Variants in SPOCK1 observed in about 807,000 individuals in gnomAD.
The protein encoded by SPOCK1 is testican-1.
Under a neutral mutation model 55.3 loss-of-function variants are expected in SPOCK1, and 23 were observed. That is an observed-to-expected ratio of 0.42 (90% confidence interval 0.30 to 0.59). SPOCK1 has a LOEUF of 0.59. Among genes scored for constraint, SPOCK1 ranks in the 20% least tolerant of loss-of-function variants. SPOCK1 has a pLI of 0.22. For synonymous variants in SPOCK1, 226 were observed against 221.0 expected (o/e 1.02, Z -0.20); for missense variants, 499 against 552.5 (o/e 0.90, Z 0.97).
chr5:137,164,488 C>T (rs1561633160), intron 3 of SPOCK1, among the ~76,000 whole-genome samples: 1 of 152,190 alleles, frequency 6.6e-6, no homozygotes, highest in Non-Finnish European at 1.5e-5. Flanking sequence ...CTAAGATGTG[C>T]TGGCTTCAGG....
Position 136,978,408 on chromosome 5 carries a change from G to A in SPOCK1, c.*246C>T. ...CAGAAAGGAAGGAGGCTCTAATTAA[G>A]CCAATGACTTCCCTATCCAAAAAAT... On this transcript the variant is annotated 3_prime_UTR_variant, in exon 11 of 11. Transcript: ENST00000394945. 1 of 402,034 alleles carries A rather than the reference G, an allele frequency of 2.5e-6. No homozygotes were observed. The highest frequency in any genetic ancestry group is 2.1e-5 in the African/African-American group (1 of 48,136). The allele number at this position is 402,034 out of a possible 1,614,324, so 24.9% of individuals were successfully genotyped here.
At chr5:137,173,070 TA>T (rs768827477) in intron 3 of SPOCK1, among the ~76,000 whole-genome samples, 5 of 152,148 alleles carry the variant, frequency 3.3e-5, no homozygotes, top group Non-Finnish European at 7.4e-5. Context: ...TGTATGGTGT[TA>T]GTGGGAATGC....
At chr5:137,117,957 A>G (rs1016805257) in intron 4 of SPOCK1, among the ~76,000 whole-genome samples, 1 of 152,210 alleles carries the variant, frequency 6.6e-6, no homozygotes, top group African/African-American at 2.4e-5. Context: ...TATATTTATC[A>G]CAATATTTTA....
In SPOCK1 at chr5:137,382,874, T is replaced by C. The variant is rs534226979; in HGVS notation, c.186+115499A>G. ...CACCTTAAAAAGAAAGCCTGTGATG[T>C]GACAAGTTCTCAGAAATTTGATTAG... On this transcript the variant is annotated intron_variant, in intron 2 of 10. Coordinates refer to ENST00000394945, the MANE Select transcript of SPOCK1 (RefSeq NM_004598.4). Among the ~76,000 whole-genome samples, 32 of 152,332 alleles carry C rather than the reference T, an allele frequency of 2.1e-4. No individual in the cohort carries two copies. In the South Asian group the frequency reaches 6.4e-3, roughly 31 times the overall value.
At chr5:137,001,048 G>A (rs1042714072) in intron 6 of SPOCK1, among the ~76,000 whole-genome samples, 2 of 152,138 alleles carry the variant, frequency 1.3e-5, no homozygotes, top group Non-Finnish European at 2.9e-5. Flanking sequence ...AGGCTCTGGA[G>A]TCAGGGCTGA....
At chr5:137,257,766 C>A (rs1413428799) in intron 3 of SPOCK1, among the ~76,000 whole-genome samples, 1 of 152,192 alleles carries the variant, frequency 6.6e-6, no homozygotes, top group Non-Finnish European at 1.5e-5. Context: ...TTCTAGGATC[C>A]TTTTCCTGAC....
intron 3 of SPOCK1, among the ~76,000 whole-genome samples, chr5:137,222,738 T>C (rs1368040751): frequency 6.6e-6 from 1 of 152,234 alleles, no homozygotes; most frequent in African/African-American, 2.4e-5. Flanking sequence ...CACAAATTAA[T>C]TGAGCACCTA....
chr5:137,186,182 C>T lies in SPOCK1; in HGVS notation c.233-45488G>A, dbSNP rs147695591. ...CATATCCCCCTTCAGATATTTTCCT[C>T]TCTCATTGTCCTTTCACAGCCAACC... On this transcript the variant is annotated intron_variant, in intron 3 of 10. Coordinates refer to ENST00000394945, the MANE Select transcript of SPOCK1 (RefSeq NM_004598.4). 5.5e-3 allele frequency among the ~76,000 whole-genome samples: 836 copies of T among 152,318 alleles called. 13 individuals are homozygous for T. The highest frequency in any genetic ancestry group is 0.019 in the African/African-American group (801 of 41,572).
intron 4 of SPOCK1, among the ~76,000 whole-genome samples, chr5:137,131,331 C>T (rs1753871162): frequency 6.6e-6 from 1 of 152,214 alleles, no homozygotes; most frequent in South Asian, 2.1e-4. Flanking sequence ...TTATATCGGC[C>T]AGGCGTGGCG....
At chr5:137,036,091 A>G (rs7735709) in intron 6 of SPOCK1, among the ~76,000 whole-genome samples, 11,620 of 152,244 alleles carry the variant, frequency 0.076, 1,358 homozygotes, top group African/African-American at 0.25. Flanking sequence ...TGTCCCTGAC[A>G]GCAAAAAAGG....
intron 3 of SPOCK1, among the ~76,000 whole-genome samples, chr5:137,254,795 C>G (rs546220910): frequency 5.9e-5 from 9 of 152,328 alleles, no homozygotes; most frequent in African/African-American, 2.2e-4. Flanking sequence ...CATCAAAGCT[C>G]TAGTTTGGAT....
intron 1 of SPOCK1, 91 bp from the exon 2 acceptor site, chr5:137,498,649 G>A: frequency 5.4e-6 from 6 of 1,107,336 alleles, no homozygotes; most frequent in Non-Finnish European, 6.7e-6. Context: ...CAGCCCGGAG[G>A]CGGGGACCCC....
At chr5:137,149,317 T>C (rs547042777) in intron 3 of SPOCK1, among the ~76,000 whole-genome samples, 81 of 152,276 alleles carry the variant, frequency 5.3e-4, no homozygotes, top group African/African-American at 1.9e-3. Context: ...GAAAAAGATA[T>C]CATCCACAGA....
chr5:137,119,240 G>A (rs974174359), intron 4 of SPOCK1, among the ~76,000 whole-genome samples: 2 of 152,098 alleles, frequency 1.3e-5, no homozygotes, highest in African/African-American at 2.4e-5. Context: ...CTATCAAATC[G>A]CCTATTCAAA....
At chr5:137,396,563 C>G (rs754787070) in intron 2 of SPOCK1, among the ~76,000 whole-genome samples, 19 of 152,222 alleles carry the variant, frequency 1.2e-4, no homozygotes, top group Non-Finnish European at 2.2e-4. Context: ...CTGGAGACGC[C>G]TGCCTAGTGC....
intron 2 of SPOCK1, among the ~76,000 whole-genome samples, chr5:137,448,188 C>T (rs1317903879): frequency 1.3e-5 from 2 of 152,194 alleles, no homozygotes; most frequent in African/African-American, 4.8e-5. Context: ...GCAGAGGTTG[C>T]AGTGAGCCAA....
At chr5:137,071,197 T>A (rs548474459) in intron 5 of SPOCK1, among the ~76,000 whole-genome samples, 2 of 152,076 alleles carry the variant, frequency 1.3e-5, no homozygotes, top group Non-Finnish European at 2.9e-5. Context: ...TCTCACTACA[T>A]TGCCCAGGCT....
chr5:137,383,189 G>T lies in SPOCK1; in HGVS notation c.186+115184C>A, dbSNP rs1038231265. ...TTTCCTACCTATAAAATGGAGACAG[G>T]AAAATTTATCTCAAAGAGCTGCTGT... On this transcript the variant is annotated intron_variant, in intron 2 of 10. Transcript: ENST00000394945. 3.3e-5 allele frequency among the ~76,000 whole-genome samples: 5 copies of T among 152,098 alleles called. No individual in the cohort carries two copies. The East Asian group carries it at 5.8e-4, about 18-fold the overall frequency.
At chr5:136,979,628 C>T (rs1002336664) in intron 9 of SPOCK1, 159 bp from the exon 10 acceptor site, 29 of 898,914 alleles carry the variant, frequency 3.2e-5, no homozygotes, top group Non-Finnish European at 4.0e-5. Flanking sequence ...AATTACAGGG[C>T]CCTTAACCTT....
Sources: allele counts gnomAD v4.1 joint callset (sites outside exome capture counted in the v4.1 genomes callset), GRCh38; gene constraint gnomAD v4.1.1; transcripts MANE v1.5; gene names NCBI Gene and HGNC (gene_info 2026-07-23, HGNC 2026-07-21).